CNTN4: variants seen among roughly 807,000 people sequenced by gnomAD.
CNTN4 encodes the protein contactin-4.
Under a neutral mutation model 122.5 loss-of-function variants are expected in CNTN4, and 77 were observed. That is an observed-to-expected ratio of 0.63 (90% CI 0.52 to 0.76). The LOEUF (loss-of-function observed/expected upper bound fraction) is 0.76. Ranked by LOEUF, CNTN4 falls within the 30% of genes least tolerant of loss-of-function variation. The probability of loss-of-function intolerance (pLI) is 0.00; values close to 1 mark genes in which losing one functional copy is unlikely to be tolerated. For synonymous variants in CNTN4, 512 were observed against 447.0 expected (o/e 1.15, Z -1.83); for missense variants, 1,256 against 1,259.1 (o/e 1.00, Z 0.04).
At chr3:2,956,675 A>G (rs2094802330) in intron 13 of CNTN4, among the ~76,000 whole-genome samples, 1 of 152,140 alleles carries the variant, frequency 6.6e-6, no homozygotes, top group African/African-American at 2.4e-5. Flanking sequence ...TATATTATAT[A>G]ATGATTACCA....
At chr3:2,367,546 C>T (rs930875592) in intron 3 of CNTN4, among the ~76,000 whole-genome samples, 8 of 152,088 alleles carry the variant, frequency 5.3e-5, no homozygotes, top group African/African-American at 1.9e-4. Flanking sequence ...TTTTTTGAGA[C>T]AGAGTTTTGC....
At chr3:2,857,456 A>G (rs1448485147) in intron 7 of CNTN4, among the ~76,000 whole-genome samples, 1 of 152,210 alleles carries the variant, frequency 6.6e-6, no homozygotes, top group African/African-American at 2.4e-5. Flanking sequence ...TGAAAGAAAC[A>G]TTCTTTATCC....
intron 10 of CNTN4, among the ~76,000 whole-genome samples, chr3:2,893,608 G>C (rs1297736382): frequency 3.3e-5 from 5 of 152,068 alleles, no homozygotes; most frequent in Non-Finnish European, 7.4e-5. Flanking sequence ...ATAATAGAGA[G>C]AATTAATACA....
chr3:2,404,184 A>G (rs1490621732), intron 3 of CNTN4, among the ~76,000 whole-genome samples: 2 of 152,164 alleles, frequency 1.3e-5, no homozygotes, highest in Non-Finnish European at 2.9e-5. Flanking sequence ...AGTGGCTTAA[A>G]ACAACACCCA....
chr3:2,314,003 A>G (rs940954835), intron 2 of CNTN4, among the ~76,000 whole-genome samples: 3 of 152,060 alleles, frequency 2.0e-5, no homozygotes, highest in South Asian at 2.1e-4. Context: ...AAAACTTTAA[A>G]CTAAAAATAC....
At chr3:2,548,211 G>A (rs1176244840) in intron 3 of CNTN4, among the ~76,000 whole-genome samples, 2 of 152,108 alleles carry the variant, frequency 1.3e-5, no homozygotes, top group African/African-American at 2.4e-5. Context: ...GGCTTTTGTT[G>A]CCATTGCTTT....
chr3:2,469,043 C>T (rs747303121), intron 3 of CNTN4, among the ~76,000 whole-genome samples: 18 of 152,128 alleles, frequency 1.2e-4, no homozygotes, highest in Non-Finnish European at 1.8e-4. Flanking sequence ...TGTGGTCGAG[C>T]TCATTGCTAC....
intron 3 of CNTN4, among the ~76,000 whole-genome samples, chr3:2,541,768 T>C (rs2078039836): frequency 6.6e-6 from 1 of 152,130 alleles, no homozygotes; most frequent in Non-Finnish European, 1.5e-5. Context: ...AAATATGTGC[T>C]GAGGGAGGCT....
intron 6 of CNTN4, among the ~76,000 whole-genome samples, chr3:2,815,775 C>A (rs916639629): frequency 1.3e-5 from 2 of 152,012 alleles, no homozygotes; most frequent in African/African-American, 4.8e-5. Flanking sequence ...AAAAAAGATA[C>A]TTGCACATGC....
At chr3:2,740,256 A>T (rs1189650918) in intron 5 of CNTN4, among the ~76,000 whole-genome samples, 1 of 152,122 alleles carries the variant, frequency 6.6e-6, no homozygotes, top group Non-Finnish European at 1.5e-5. Flanking sequence ...GCTAGTCAGG[A>T]GGCTGAGGTG....
chr3:3,053,887 C>A lies in CNTN4; in HGVS notation c.2892C>A (p.Phe964Leu), dbSNP rs748149654. Residue 964 changes from phenylalanine to leucine, a missense_variant, in exon 24 of 25, where the codon TTC becomes TTA. Coordinates refer to ENST00000418658, the MANE Select transcript of CNTN4 (RefSeq NM_175607.3). ...CATCGGTGGAGCTTTCTTTGCCTTT[C>A]GATGAAGATTATATAATAGAAATTA... ...NKTSVELSLP[F>L]DEDYIIEIKP... is the part of the protein sequence containing the mutation. 3 of 1,614,046 alleles carry A rather than the reference C, an allele frequency of 1.9e-6. No individual in the cohort carries two copies. The highest frequency in any genetic ancestry group is 3.3e-5 in the Admixed American group (2 of 60,008).
At chr3:2,456,567 G>A (rs533906017) in intron 3 of CNTN4, among the ~76,000 whole-genome samples, 8 of 151,996 alleles carry the variant, frequency 5.3e-5, no homozygotes, top group African/African-American at 9.6e-5. Context: ...TCTGCTTTCC[G>A]TCTCTTTGGA....
At chr3:2,633,656 A>C (rs1326310823) in intron 4 of CNTN4, among the ~76,000 whole-genome samples, 1 of 152,192 alleles carries the variant, frequency 6.6e-6, no homozygotes, top group African/African-American at 2.4e-5. Context: ...CTAAATCCAA[A>C]ATATCCTCTC....
chr3:2,384,207 T>C (rs536421003), intron 3 of CNTN4, among the ~76,000 whole-genome samples: 196 of 152,236 alleles, frequency 1.3e-3, no homozygotes, highest in Non-Finnish European at 2.1e-3. Context: ...ATTAACATCA[T>C]TAATATGTTG....
rs139695272 is a variant in CNTN4, at chr3:2,258,645, A to T, written c.-144-80533A>T. On this transcript the variant is annotated intron_variant, in intron 2 of 24. Transcript: ENST00000418658. ...AATATAATTGGCTCTGAACTTCCTGAATTGCAAATCCTGTATTCAATAATT... is the reference window on the plus strand; with the variant it reads ...AATATAATTGGCTCTGAACTTCCTGTATTGCAAATCCTGTATTCAATAATT... 2.4e-3 allele frequency among the ~76,000 whole-genome samples: 364 copies of T among 152,286 alleles called. 1 individual carries two copies. The highest frequency in any genetic ancestry group is 8.5e-3 in the African/African-American group (354 of 41,558).
intron 13 of CNTN4, among the ~76,000 whole-genome samples, chr3:2,940,382 GAAAT>G (rs1211031259): frequency 1.3e-5 from 2 of 152,220 alleles, no homozygotes; most frequent in Non-Finnish European, 2.9e-5. Context: ...AAGTGACCTT[GAAAT>G]AAATACTTTA....
At chr3:2,623,281 A>G (rs1175352845) in intron 4 of CNTN4, among the ~76,000 whole-genome samples, 2 of 136,162 alleles carry the variant, frequency 1.5e-5, no homozygotes, top group African/African-American at 2.7e-5. Flanking sequence ...CTGATTTTCT[A>G]CCCTCTTGTT....
intron 3 of CNTN4, among the ~76,000 whole-genome samples, chr3:2,458,560 T>C (rs2049084766): frequency 6.6e-6 from 1 of 152,162 alleles, no homozygotes; most frequent in South Asian, 2.1e-4. Flanking sequence ...TAGAGATCAT[T>C]TGGGAGCGGA....
At chr3:2,119,368 A>G (rs1447850549) in intron 2 of CNTN4, among the ~76,000 whole-genome samples, 2 of 152,324 alleles carry the variant, frequency 1.3e-5, no homozygotes, top group East Asian at 3.9e-4. Flanking sequence ...CTACTACACC[A>G]ATATTCCTTA....
Sources: allele counts gnomAD v4.1 joint callset (sites outside exome capture counted in the v4.1 genomes callset), GRCh38; gene constraint gnomAD v4.1.1; transcripts MANE v1.5; gene names NCBI Gene and HGNC (gene_info 2026-07-23, HGNC 2026-07-21).